The following AGAP1 variants were observed in gnomAD, a reference collection of about 807,000 sequenced individuals.
The protein encoded by AGAP1 is arf-GAP with GTPase, ANK repeat and PH domain-containing protein 1.
In AGAP1, 29 loss-of-function variants were observed where a neutral mutation model predicts 105.3. The observed-to-expected ratio is 0.28, with a 90% CI of 0.21 to 0.38. AGAP1 has a LOEUF of 0.38. Ranked by LOEUF, AGAP1 falls within the 10% of genes least tolerant of loss-of-function variation. The pLI, the probability that AGAP1 is intolerant of heterozygous loss-of-function variation, is 1.00. For synonymous variants in AGAP1, 509 were observed against 485.9 expected (o/e 1.05, Z -0.63); for missense variants, 998 against 1,165.1 (o/e 0.86, Z 2.09).
At chr2:236,049,555 A>G (rs1036825274) in intron 16 of AGAP1, 1 of 305,636 alleles carries the variant, frequency 3.3e-6, no homozygotes, top group Non-Finnish European at 6.1e-6. Flanking sequence ...TTATGAATAT[A>G]TTACTTTAAT....
At chr2:235,826,498 G>A (rs1194742562) in intron 9 of AGAP1, among the ~76,000 whole-genome samples, 3 of 151,760 alleles carry the variant, frequency 2.0e-5, no homozygotes, top group African/African-American at 7.3e-5. Context: ...CACCCAGGCT[G>A]GAGTGCAGTG....
rs1470938226 is a variant in AGAP1, at chr2:235,919,410, A to G, written c.1324+10504A>G. 6.6e-6 allele frequency among the ~76,000 whole-genome samples: 1 copy of G among 152,122 alleles called. No individual in the cohort carries two copies. Among genetic ancestry groups the G allele is most frequent in the African/African-American group, 2.4e-5 (1 of 41,424 alleles). On this transcript the variant is annotated intron_variant, in intron 11 of 17. Coordinates refer to ENST00000304032, the MANE Select transcript of AGAP1 (RefSeq NM_001037131.3). This position sits in a 1 kb window ranked among gnomAD's most constrained non-coding sequence, Gnocchi z 4.1. ...ACGTTTGCGTTTCTGGAGTATTTCT[A>G]GGGAGTGGTCAAACCCCGTAACATC...
intron 1 of AGAP1, among the ~76,000 whole-genome samples, chr2:235,522,798 A>G (rs1559221455): frequency 6.6e-6 from 1 of 152,158 alleles, no homozygotes; most frequent in Non-Finnish European, 1.5e-5. Flanking sequence ...GCTGACCTTT[A>G]TGGTGATATC....
chr2:235,499,972 T>G (rs183336489), intron 1 of AGAP1, among the ~76,000 whole-genome samples: 1 of 152,168 alleles, frequency 6.6e-6, no homozygotes, highest in Admixed American at 6.5e-5. Flanking sequence ...GCTGCAGAAG[T>G]GAGGACAATT....
intron 1 of AGAP1, among the ~76,000 whole-genome samples, chr2:235,675,841 C>T (rs1393969821): frequency 2.0e-5 from 3 of 152,144 alleles, no homozygotes; most frequent in Admixed American, 2.0e-4. Flanking sequence ...CTGTTAACAT[C>T]TTTCTCTTTG....
chr2:235,713,144 G>A (rs1950933899), intron 2 of AGAP1, among the ~76,000 whole-genome samples: 1 of 152,180 alleles, frequency 6.6e-6, no homozygotes, highest in Non-Finnish European at 1.5e-5. Flanking sequence ...ACAGACCAAA[G>A]GATGTTTGGT....
intron 1 of AGAP1, among the ~76,000 whole-genome samples, chr2:235,548,342 A>C (rs928109355): frequency 3.9e-5 from 6 of 152,114 alleles, no homozygotes; most frequent in African/African-American, 1.4e-4. Context: ...GATTTCTTTC[A>C]GCACTCTCCA....
intron 9 of AGAP1, among the ~76,000 whole-genome samples, chr2:235,857,576 G>C (rs770558626): frequency 1.3e-5 from 2 of 152,144 alleles, no homozygotes; most frequent in Admixed American, 6.5e-5. Context: ...CTGCAGAAGT[G>C]GATACACCAA....
rs367778173 is a variant in AGAP1, at chr2:235,578,800, A to AAAATT, written c.163+83951_163+83952insAAATT. Among the ~76,000 whole-genome samples, 2 of 139,730 alleles carry AAAATT rather than the reference A, an allele frequency of 1.4e-5. No homozygotes were observed. The highest frequency in any genetic ancestry group is 2.8e-5 in the African/African-American group (1 of 36,078). 91.7% of individuals were successfully genotyped at this position (139,730 alleles called of 152,430 possible). A position where few individuals can be genotyped will look rare whatever the true frequency, so the allele number is the denominator to read the frequency against. On this transcript the variant is annotated intron_variant, in intron 1 of 17. Coordinates refer to ENST00000304032, the MANE Select transcript of AGAP1 (RefSeq NM_001037131.3). This position sits in a 1 kb window ranked among gnomAD's most constrained non-coding sequence, Gnocchi z 4.9. ...ACTCAGTCTCAAAAAAAAAAAAAAA[A>AAAATT]TTTTTTTTTTACAATAAGCTATTTA... is the stretch of plus-strand genomic sequence containing the variant.
At position 235,799,625 on chromosome 2, in the gene AGAP1, C is replaced by G; in HGVS notation, c.957+103C>G. ...TTCAGTGGTATTTGTAGAATCTCAACTATATTAAAGTGAATAACATTGATT... is the reference window on the plus strand; with the variant it reads ...TTCAGTGGTATTTGTAGAATCTCAAGTATATTAAAGTGAATAACATTGATT... On this transcript the variant is annotated intron_variant, in intron 8 of 17. Coordinates refer to ENST00000304032, the MANE Select transcript of AGAP1 (RefSeq NM_001037131.3). The surrounding 1 kb of genome is among the most constrained non-coding windows in gnomAD (Gnocchi z 5.0). The G allele has an allele frequency of 7.6e-7, 1 of 1,314,454 alleles. No individual in the cohort carries two copies. The highest frequency in any genetic ancestry group is 1.5e-5 in the South Asian group (1 of 68,228). The allele number at this position is 1,314,454 out of a possible 1,614,324, so 81.4% of individuals were successfully genotyped here.
chr2:235,657,629 G>T (rs146614827), intron 1 of AGAP1, among the ~76,000 whole-genome samples: 2 of 152,078 alleles, frequency 1.3e-5, no homozygotes, highest in African/African-American at 4.8e-5. Context: ...TGATCCATCC[G>T]CCTCGGCCTC....
intron 10 of AGAP1, among the ~76,000 whole-genome samples, chr2:235,894,627 G>A (rs72985102): frequency 3.5e-4 from 4 of 11,594 alleles, no homozygotes; most frequent in East Asian, 0.038. Flanking sequence ...ACATACACAT[G>A]CACATGTACA....
In AGAP1 at chr2:235,623,015, C is replaced by G. The variant is rs142830984; in HGVS notation, c.164-86164C>G. On this transcript the variant is annotated intron_variant, in intron 1 of 17. Transcript: ENST00000304032. The surrounding 1 kb of genome is among the most constrained non-coding windows in gnomAD (Gnocchi z 4.5). ...ACTGTCGCTGAATCTTAAGTTTATT[C>G]TGGATTGAGAAAAGTGGAAGAGGTT... Among the ~76,000 whole-genome samples the G allele has an allele frequency of 6.6e-6, 1 of 152,258 alleles. No homozygotes were observed. Among genetic ancestry groups the G allele is most frequent in the Non-Finnish European group, 1.5e-5 (1 of 68,024 alleles).
chr2:235,764,138 G>A (rs181020305), intron 6 of AGAP1, among the ~76,000 whole-genome samples: 14 of 152,348 alleles, frequency 9.2e-5, no homozygotes, highest in Admixed American at 7.2e-4. Context: ...AAGCTCTTCC[G>A]ACTGGTTGGT....
chr2:235,880,784 T>C (rs562119123), intron 9 of AGAP1, among the ~76,000 whole-genome samples: 20 of 151,910 alleles, frequency 1.3e-4, no homozygotes, highest in African/African-American at 4.8e-4. Flanking sequence ...GGCTTTGTTA[T>C]GCTAAGTTTT....
rs1951261183 is a variant in AGAP1, at chr2:235,719,212, G to A, written c.310+1568G>A. Among the ~76,000 whole-genome samples, 1 of 152,212 alleles carries A rather than the reference G, an allele frequency of 6.6e-6. No homozygotes were observed. Among genetic ancestry groups the A allele is most frequent in the Non-Finnish European group, 1.5e-5 (1 of 68,038 alleles). On this transcript the variant is annotated intron_variant, in intron 3 of 17. Coordinates refer to ENST00000304032, the MANE Select transcript of AGAP1 (RefSeq NM_001037131.3). This position sits in a 1 kb window ranked among gnomAD's most constrained non-coding sequence, Gnocchi z 4.9. ...GTTGCTGTTGCTCTGGCAGTCTCTGGCCCTGGGGTTCAGGTGTCTGGTGGG... is the reference window on the plus strand; with the variant it reads ...GTTGCTGTTGCTCTGGCAGTCTCTGACCCTGGGGTTCAGGTGTCTGGTGGG...
rs904606928 is a variant in AGAP1, at chr2:235,633,977, C to A, written c.164-75202C>A. On this transcript the variant is annotated intron_variant, in intron 1 of 17. Transcript: ENST00000304032. This position sits in a 1 kb window ranked among gnomAD's most constrained non-coding sequence, Gnocchi z 4.8. ...TACTTTGGGGTATCAGTTTTCCGAG[C>A]CCCAGCAAGCCCCTCCCTGCAAAGT... is the stretch of plus-strand genomic sequence containing the variant. Among the ~76,000 whole-genome samples the A allele has an allele frequency of 6.6e-6, 1 of 152,004 alleles. No homozygotes were observed. Among genetic ancestry groups the A allele is most frequent in the Non-Finnish European group, 1.5e-5 (1 of 68,014 alleles).
rs1315593888 is a variant in AGAP1 at position 235,751,785 on chromosome 2, T to C, written c.673+1297T>C. ...CACGTTGGTCCTAGTTACTGCTTCA[T>C]GGCTTAGGTTTCTTCTCGCCTTATC... is the stretch of plus-strand genomic sequence containing the variant. On this transcript the variant is annotated intron_variant, in intron 6 of 17. Coordinates refer to ENST00000304032, the MANE Select transcript of AGAP1 (RefSeq NM_001037131.3). This position sits in a 1 kb window ranked among gnomAD's most constrained non-coding sequence, Gnocchi z 5.3. Among the ~76,000 whole-genome samples the C allele has an allele frequency of 6.6e-6, 1 of 152,210 alleles. No homozygotes were observed. The highest frequency in any genetic ancestry group is 6.5e-5 in the Admixed American group (1 of 15,286).
At chr2:235,745,970 A>G (rs1952897211) in intron 5 of AGAP1, among the ~76,000 whole-genome samples, 1 of 152,216 alleles carries the variant, frequency 6.6e-6, no homozygotes. Flanking sequence ...TACTAAAAAT[A>G]GAAAAATTAG....
Sources: allele counts gnomAD v4.1 joint callset (sites outside exome capture counted in the v4.1 genomes callset), GRCh38; gene constraint gnomAD v4.1.1; non-coding constraint Gnocchi (gnomAD v3.1); transcripts MANE v1.5; gene names NCBI Gene and HGNC (gene_info 2026-07-23, HGNC 2026-07-21).